Variants in NAALADL2 observed in about 807,000 individuals in gnomAD.
NAALADL2 encodes the protein inactive N-acetylated-alpha-linked acidic dipeptidase-like protein 2.
A neutral mutation model predicts 87.2 loss-of-function variants in NAALADL2; 76 were observed. That is an observed-to-expected ratio of 0.87 (90% CI 0.72 to 1.05). NAALADL2 has a LOEUF of 1.05. NAALADL2 is among the 50% of genes least tolerant of loss of function. The pLI is 0.00. For missense variants in NAALADL2, 1,089 were observed against 945.8 expected (o/e 1.15, Z -1.99); for synonymous variants, 354 against 331.0 (o/e 1.07, Z -0.75).
chr3:175,230,563 GATATAATTTT>G (rs1744799780), intron 2 of NAALADL2, among the ~76,000 whole-genome samples: 1 of 151,968 alleles, frequency 6.6e-6, no homozygotes, highest in Non-Finnish European at 1.5e-5. Flanking sequence ...ACCACAATGG[GATATAATTTT>G]ACCCTCATTG....
intron 1 of NAALADL2, among the ~76,000 whole-genome samples, chr3:175,087,698 G>A (rs1191270135): frequency 6.6e-6 from 1 of 152,040 alleles, no homozygotes; most frequent in Non-Finnish European, 1.5e-5. Flanking sequence ...TTAAACAGAT[G>A]CTTGAAGGCA....
At chr3:174,679,909 C>G (rs973453828) in intron 2 of NAALADL2, among the ~76,000 whole-genome samples, 2 of 152,034 alleles carry the variant, frequency 1.3e-5, no homozygotes, top group Admixed American at 1.3e-4. Flanking sequence ...GAAATATGTA[C>G]TTACAATTAT....
intron 1 of NAALADL2, among the ~76,000 whole-genome samples, chr3:174,513,718 T>G (rs942900310): frequency 1.3e-5 from 2 of 152,186 alleles, no homozygotes; most frequent in African/African-American, 2.4e-5. Flanking sequence ...TTCATCTTCA[T>G]TTACAAAATC....
intron 1 of NAALADL2, among the ~76,000 whole-genome samples, chr3:174,996,997 T>G (rs1242497053): frequency 6.5e-5 from 3 of 46,342 alleles, no homozygotes; most frequent in African/African-American, 2.6e-4. Context: ...CCAAGGGGTG[T>G]GTGTGTGTGT....
chr3:175,774,135 A>G (rs945326989), intron 13 of NAALADL2, among the ~76,000 whole-genome samples: 6 of 152,078 alleles, frequency 3.9e-5, no homozygotes, highest in Admixed American at 3.9e-4. Context: ...CTATTATTTT[A>G]GGGTTTGATA....
intron 2 of NAALADL2, among the ~76,000 whole-genome samples, chr3:175,104,660 T>C (rs191429272): frequency 3.7e-4 from 57 of 152,296 alleles, no homozygotes; most frequent in Admixed American, 2.8e-3. Flanking sequence ...AAGCAACTGC[T>C]ATTTTAATTA....
intron 2 of NAALADL2, among the ~76,000 whole-genome samples, chr3:175,112,939 T>G (rs1215293606): frequency 6.6e-6 from 1 of 151,574 alleles, no homozygotes; most frequent in Non-Finnish European, 1.5e-5. Context: ...TATATAGATA[T>G]GAGACATGAC....
At chr3:174,655,623 T>G (rs1724836493) in intron 2 of NAALADL2, among the ~76,000 whole-genome samples, 1 of 139,712 alleles carries the variant, frequency 7.2e-6, no homozygotes, top group Non-Finnish European at 1.5e-5. Flanking sequence ...CTTTGAATAT[T>G]TTTACCAAAT....
intron 2 of NAALADL2, among the ~76,000 whole-genome samples, chr3:175,220,311 A>C (rs1478335897): frequency 6.9e-6 from 1 of 145,766 alleles, no homozygotes; most frequent in Non-Finnish European, 1.5e-5. Flanking sequence ...AAATATGTAA[A>C]ACAATCTAGA....
At chr3:175,158,710 C>T (rs1461290853) in intron 2 of NAALADL2, among the ~76,000 whole-genome samples, 1 of 151,792 alleles carries the variant, frequency 6.6e-6, no homozygotes, top group East Asian at 1.9e-4. Flanking sequence ...AATTTTTTTG[C>T]AGTGAAGATT....
At chr3:174,843,437 C>G (rs1306289668) in intron 3 of NAALADL2, among the ~76,000 whole-genome samples, 1 of 152,010 alleles carries the variant, frequency 6.6e-6, no homozygotes, top group Non-Finnish European at 1.5e-5. Context: ...AAATATTCAT[C>G]CATTGTTTGA....
intron 2 of NAALADL2, among the ~76,000 whole-genome samples, chr3:174,594,232 T>A (rs1717660260): frequency 6.6e-6 from 1 of 152,214 alleles, no homozygotes; most frequent in African/African-American, 2.4e-5. Context: ...AAAACTTTAA[T>A]CCATGACAGG....
At chr3:175,147,314 C>G (rs1730889979) in intron 2 of NAALADL2, among the ~76,000 whole-genome samples, 1 of 152,104 alleles carries the variant, frequency 6.6e-6, no homozygotes, top group African/African-American at 2.4e-5. Context: ...ATATTTAGCT[C>G]TCACTTATAA....
intron 2 of NAALADL2, among the ~76,000 whole-genome samples, chr3:174,681,987 T>C (rs1379764737): frequency 6.6e-6 from 1 of 152,088 alleles, no homozygotes; most frequent in Non-Finnish European, 1.5e-5. Context: ...TGTGTGAACA[T>C]AAGTGGTAGC....
chr3:174,563,608 CTTA>C (rs1262824482), intron 2 of NAALADL2, among the ~76,000 whole-genome samples: 2 of 150,224 alleles, frequency 1.3e-5, no homozygotes, highest in African/African-American at 2.4e-5. Flanking sequence ...TTGTAGTATT[CTTA>C]TTATTATTTG....
In NAALADL2 at chr3:175,221,745, T is replaced by G. The variant is rs984702878; in HGVS notation, c.546-12186T>G. The stretch of plus-strand genomic sequence containing the variant: ...TTTTTATTTCTTTATTTTTGTAGAG[T>G]AGATATTCAGTGGTTATTTATTTAT... On this transcript the variant is annotated intron_variant, in intron 2 of 13. Coordinates refer to ENST00000454872, the MANE Select transcript of NAALADL2 (RefSeq NM_207015.3). 2.1e-5 allele frequency among the ~76,000 whole-genome samples: 3 copies of G among 143,418 alleles called. No homozygotes were observed. In the East Asian group the frequency reaches 6.4e-4, roughly 31 times the overall value. 94.1% of individuals were successfully genotyped at this position (143,418 alleles called of 152,430 possible). A position where few individuals can be genotyped will look rare whatever the true frequency, so the allele number is the denominator to read the frequency against.
At chr3:175,239,968 T>G (rs980410509) in intron 3 of NAALADL2, among the ~76,000 whole-genome samples, 3 of 152,158 alleles carry the variant, frequency 2.0e-5, no homozygotes, top group Non-Finnish European at 2.9e-5. Flanking sequence ...TGGGAGAAAT[T>G]AAGAAACTAC....
chr3:175,578,085 T>C (rs1719166666), intron 10 of NAALADL2, among the ~76,000 whole-genome samples: 1 of 151,370 alleles, frequency 6.6e-6, no homozygotes, highest in South Asian at 2.1e-4. Flanking sequence ...TCCAGTTACA[T>C]TGGTTTCTGG....
intron 1 of NAALADL2, among the ~76,000 whole-genome samples, chr3:174,447,539 C>T (rs913550155): frequency 6.6e-6 from 1 of 152,060 alleles, no homozygotes; most frequent in Non-Finnish European, 1.5e-5. Context: ...AAAATTTGGC[C>T]GGGCGAGGTG....
Sources: allele counts gnomAD v4.1 joint callset (sites outside exome capture counted in the v4.1 genomes callset), GRCh38; gene constraint gnomAD v4.1.1; transcripts MANE v1.5; gene names NCBI Gene and HGNC (gene_info 2026-07-23, HGNC 2026-07-21).